Variants in PLCL1 observed in about 807,000 individuals in gnomAD.
PLCL1 encodes the protein phospholipase C like 1 (inactive), also known as inactive phospholipase C-like protein 1.
Under a neutral mutation model 84.4 loss-of-function variants are expected in PLCL1, and 41 were observed. That is an observed-to-expected ratio of 0.49 (90% CI 0.38 to 0.63). The LOEUF (loss-of-function observed/expected upper bound fraction) is 0.63, where lower values mean the gene tolerates loss of function less well. Among genes scored for constraint, PLCL1 ranks in the 30% least tolerant of loss-of-function variants. PLCL1 has a pLI of 0.00. For synonymous variants in PLCL1, 490 were observed against 488.3 expected, an observed-to-expected ratio of 1.00 and a Z score of -0.05; for missense variants, 1,206 against 1,367.8, an observed-to-expected ratio of 0.88 and a Z score of 1.87.
chr2:198,121,848 A>C (rs929179705), intron 5 of PLCL1, among the ~76,000 whole-genome samples: 29 of 151,994 alleles, frequency 1.9e-4, no homozygotes, highest in Admixed American at 1.4e-3. Context: ...TTTTTCTCTC[A>C]ATAGGACCAG....
intron 1 of PLCL1, among the ~76,000 whole-genome samples, chr2:197,876,227 A>G (rs1336216543): frequency 1.3e-5 from 2 of 152,178 alleles, no homozygotes; most frequent in East Asian, 3.9e-4. Flanking sequence ...TTACTATAAC[A>G]CAAACGTGAT....
chr2:197,897,842 C>A (rs899428997), intron 1 of PLCL1, among the ~76,000 whole-genome samples: 1 of 152,136 alleles, frequency 6.6e-6, no homozygotes, highest in Admixed American at 6.5e-5. Context: ...TATCGCATAT[C>A]CAATGTTACC....
intron 1 of PLCL1, among the ~76,000 whole-genome samples, chr2:198,014,403 T>G (rs1431269204): frequency 6.6e-6 from 1 of 152,084 alleles, no homozygotes; most frequent in East Asian, 1.9e-4. Context: ...CCTCCAATAG[T>G]CAGTTTCCTC....
chr2:198,103,688 A>C, intron 4 of PLCL1, 139 bp from the exon 5 acceptor site: 2 of 528,758 alleles, frequency 3.8e-6, no homozygotes, highest in Non-Finnish European at 6.8e-6. Context: ...CAGAATGAAA[A>C]GGATAATTCA....
In PLCL1 at chr2:197,947,237, A is replaced by AATATATATATATATATATATAT. The variant is rs55700681; in HGVS notation, c.241-136520_241-136499dup. Among the ~76,000 whole-genome samples the AATATATATATATATATATATAT allele has an allele frequency of 3.9e-4, 55 of 142,710 alleles. 2 individuals are homozygous for AATATATATATATATATATATAT. The highest frequency in any genetic ancestry group is 1.1e-3 in the African/African-American group (41 of 38,684). 93.6% of individuals were successfully genotyped at this position (142,710 alleles called of 152,430 possible). A position where few individuals can be genotyped will look rare whatever the true frequency, so the allele number is the denominator to read the frequency against. On this transcript the variant is annotated intron_variant, in intron 1 of 5. Coordinates refer to ENST00000428675, the MANE Select transcript of PLCL1 (RefSeq NM_006226.4). ...AGTAAAGGGTAGAGGTGCTTAGATA[A>AATATATATATATATATATATAT]ATATATATATATATATATATATGTA...
In PLCL1 at chr2:198,148,397, G is replaced by GA. The variant is rs934278535; in HGVS notation, c.*1442dup. 2 of 152,048 alleles carry GA rather than the reference G, an allele frequency of 1.3e-5. No homozygotes were observed. Among genetic ancestry groups the GA allele is most frequent in the Non-Finnish European group, 1.5e-5 (1 of 67,950 alleles). 9.4% of individuals were successfully genotyped at this position (152,048 alleles called of 1,614,324 possible). On this transcript the variant is annotated 3_prime_UTR_variant, in exon 6 of 6. Transcript: ENST00000428675. ...CACATTACTGAAAGAGTAAAGATAT[G>GA]AAAAAAACACTTATTGTTTTCTTTT...
chr2:197,855,079 C>T (rs971278353), intron 1 of PLCL1, among the ~76,000 whole-genome samples: 5 of 152,118 alleles, frequency 3.3e-5, no homozygotes, highest in African/African-American at 1.2e-4. Context: ...TAATAAAGCT[C>T]ATAAATATTC....
At chr2:198,073,860 C>G (rs1247786319) in intron 1 of PLCL1, among the ~76,000 whole-genome samples, 1 of 152,116 alleles carries the variant, frequency 6.6e-6, no homozygotes, top group Non-Finnish European at 1.5e-5. Context: ...AGAGAAAGAT[C>G]AGTTTAGACT....
At chr2:198,142,199 A>G (rs950892771) in intron 5 of PLCL1, among the ~76,000 whole-genome samples, 1 of 152,118 alleles carries the variant, frequency 6.6e-6, no homozygotes, top group African/African-American at 2.4e-5. Context: ...ATATCTTTTG[A>G]TGGGTTATAA....
intron 1 of PLCL1, among the ~76,000 whole-genome samples, chr2:197,860,601 T>C (rs1278509799): frequency 6.6e-6 from 1 of 152,172 alleles, no homozygotes; most frequent in Non-Finnish European, 1.5e-5. Flanking sequence ...CTCATTGTGG[T>C]TTTGATTTGC....
intron 1 of PLCL1, among the ~76,000 whole-genome samples, chr2:197,867,671 T>A (rs1291339888): frequency 6.6e-6 from 1 of 152,102 alleles, no homozygotes; most frequent in African/African-American, 2.4e-5. Flanking sequence ...TGCTGACACA[T>A]CCCTGCTACA....
At position 198,083,839 on chromosome 2, in the gene PLCL1, G is replaced by A; in HGVS notation, c.322G>A (p.Ala108Thr). The A allele has an allele frequency of 6.2e-7, 1 of 1,613,910 alleles. No homozygotes were observed. The highest frequency in any genetic ancestry group is 8.5e-7 in the Non-Finnish European group (1 of 1,179,806). The part of the protein sequence containing the change: ...SMPSEKKISS[A>T]NDCISFMQAG... Reference sequence around the variant, plus strand: ...GCCATCGGAAAAGAAAATTAGCAGTGCAAATGACTGCATCAGCTTCATGCA... The same window carrying A: ...GCCATCGGAAAAGAAAATTAGCAGTACAAATGACTGCATCAGCTTCATGCA... Residue 108 changes from alanine (A) to threonine (T), a missense_variant, in exon 2 of 6, where the codon GCA becomes ACA. Ala to Thr is a moderately conservative substitution (Grantham distance 58). Coordinates refer to ENST00000428675, the MANE Select transcript of PLCL1 (RefSeq NM_006226.4).
Position 197,805,375 on chromosome 2 carries a change from TG to T in PLCL1, c.240+39del. On this transcript the variant is annotated intron_variant, in intron 1 of 5. Transcript: ENST00000428675. This position sits in a 1 kb window ranked among gnomAD's most constrained non-coding sequence, Gnocchi z 4.0. ...CCGCGCCGCACCGGGAGCGTGGCTG[TG>T]GGTGATGGGTGGGTCAGGGACCCGG... 7.5e-7 allele frequency: 1 copy of T among 1,329,566 alleles called. No homozygotes were observed. Among genetic ancestry groups the T allele is most frequent in the South Asian group, 2.2e-5 (1 of 46,210 alleles). 82.4% of individuals were successfully genotyped at this position (1,329,566 alleles called of 1,614,324 possible). A position where few individuals can be genotyped will look rare whatever the true frequency, so the allele number is the denominator to read the frequency against.
At chr2:198,090,641 C>T (rs1022127123) in intron 3 of PLCL1, among the ~76,000 whole-genome samples, 2 of 152,160 alleles carry the variant, frequency 1.3e-5, no homozygotes, top group African/African-American at 4.8e-5. Flanking sequence ...TTACCTGTAT[C>T]TCATTTTTCA....
At chr2:197,950,650 G>C (rs1274621962) in intron 1 of PLCL1, among the ~76,000 whole-genome samples, 1 of 152,036 alleles carries the variant, frequency 6.6e-6, no homozygotes, top group East Asian at 1.9e-4. Context: ...CAGCACACAT[G>C]TTTTTGGAGG....
intron 1 of PLCL1, among the ~76,000 whole-genome samples, chr2:197,955,647 T>A (rs1689473064): frequency 6.6e-6 from 1 of 151,910 alleles, no homozygotes; most frequent in East Asian, 1.9e-4. Flanking sequence ...TGTTTGGTTT[T>A]CTGTTCCTGT....
Position 198,129,549 on chromosome 2 carries a change from C to T in PLCL1, c.3106-17231C>T, listed in dbSNP as rs575573939. On this transcript the variant is annotated intron_variant, in intron 5 of 5. Transcript: ENST00000428675. Reference sequence around the variant, plus strand: ...TCCTCCTAAAATTTAAAATATCAAACTGTAACCCAACCTCCTTGGCCACAT... The same window carrying T: ...TCCTCCTAAAATTTAAAATATCAAATTGTAACCCAACCTCCTTGGCCACAT... Among the ~76,000 whole-genome samples, 547 of 152,264 alleles carry T rather than the reference C, an allele frequency of 3.6e-3. 1 individual carries two copies. The highest frequency in any genetic ancestry group is 5.5e-3 in the Non-Finnish European group (376 of 67,994).
chr2:197,990,703 A>G (rs188518015), intron 1 of PLCL1, among the ~76,000 whole-genome samples: 448 of 152,352 alleles, frequency 2.9e-3, no homozygotes, highest in Admixed American at 4.5e-3. Flanking sequence ...TATGGCAGCT[A>G]CAATTCAAGA....
At chr2:198,100,901 G>A (rs982152652) in intron 3 of PLCL1, among the ~76,000 whole-genome samples, 1 of 151,970 alleles carries the variant, frequency 6.6e-6, no homozygotes, top group Non-Finnish European at 1.5e-5. Context: ...ACCCTATTCT[G>A]GTTCTCATTG....
Sources: gnomAD v4.1 joint callset for allele counts (sites outside exome capture counted in the v4.1 genomes callset) on GRCh38, gnomAD v4.1.1 for gene constraint, Gnocchi (gnomAD v3.1) non-coding constraint, MANE v1.5 for transcripts, NCBI Gene and HGNC (gene_info 2026-07-23, HGNC 2026-07-21) for gene names.